The following PTPRZ1 variants were observed in gnomAD, a reference collection of about 807,000 sequenced individuals.
PTPRZ1 encodes the protein protein tyrosine phosphatase receptor type Z1.
Under a neutral mutation model 214.1 loss-of-function variants are expected in PTPRZ1, and 82 were observed. The observed-to-expected ratio is 0.38, with a 90% CI of 0.32 to 0.46. PTPRZ1 has a LOEUF of 0.46. Among genes scored for constraint, PTPRZ1 ranks in the 20% least tolerant of loss-of-function variants. The probability of loss-of-function intolerance (pLI) is 1.00; values close to 1 mark genes in which losing one functional copy is unlikely to be tolerated. For synonymous variants in PTPRZ1, 945 were observed against 987.9 expected (o/e 0.96, Z 0.81); for missense variants, 2,603 against 2,748.7 (o/e 0.95, Z 1.19).
chr7:121,995,191 A>G (rs558552946), intron 8 of PTPRZ1, among the ~76,000 whole-genome samples: 25 of 152,324 alleles, frequency 1.6e-4, no homozygotes, highest in Non-Finnish European at 2.8e-4. Flanking sequence ...TAGCAGAGAC[A>G]AGTCATTTTG....
At chr7:121,968,620 T>C (rs1244544010) in intron 3 of PTPRZ1, among the ~76,000 whole-genome samples, 1 of 149,528 alleles carries the variant, frequency 6.7e-6, no homozygotes, top group Non-Finnish European at 1.5e-5. Flanking sequence ...TAAGTGTCTT[T>C]TTATTGAGCC....
chr7:121,960,094 A>C (rs1796829319), intron 2 of PTPRZ1, among the ~76,000 whole-genome samples: 1 of 152,234 alleles, frequency 6.6e-6, no homozygotes, highest in East Asian at 1.9e-4. Context: ...GCTGGGGTAC[A>C]GTGGCATGCT....
intron 1 of PTPRZ1, among the ~76,000 whole-genome samples, chr7:121,882,810 T>C (rs1251252763): frequency 6.6e-6 from 1 of 152,196 alleles, no homozygotes; most frequent in African/African-American, 2.4e-5. Context: ...GATATAATAA[T>C]ATCATCCTCT....
chr7:122,050,806 C>A (rs535494940), intron 23 of PTPRZ1, among the ~76,000 whole-genome samples: 36 of 152,082 alleles, frequency 2.4e-4, no homozygotes, highest in Admixed American at 2.2e-3. Flanking sequence ...AAATCAAAAC[C>A]ATGATATACT....
intron 2 of PTPRZ1, among the ~76,000 whole-genome samples, chr7:121,953,162 G>A (rs1796609265): frequency 1.3e-5 from 2 of 152,112 alleles, no homozygotes; most frequent in Admixed American, 1.3e-4. Flanking sequence ...TATCACTTAA[G>A]CACTTTTTTA....
chr7:122,045,216 C>A (rs907419857), intron 23 of PTPRZ1, among the ~76,000 whole-genome samples: 1 of 152,118 alleles, frequency 6.6e-6, no homozygotes, highest in African/African-American at 2.4e-5. Context: ...CGTAGCTTTC[C>A]ACAGGAATGG....
rs749990320 is a variant in PTPRZ1, at chr7:122,011,226, C to A, written c.2180C>A (p.Ala727Asp). The A allele has an allele frequency of 6.8e-6, 11 of 1,613,904 alleles. No individual in the cohort carries two copies. The highest frequency in any genetic ancestry group is 8.5e-7 in the Non-Finnish European group (1 of 1,179,956). The change falls in exon 12 of 30, where the codon GCT becomes GAT. Residue 727 changes from alanine to aspartate, a missense_variant. Ala to Asp is a moderately radical substitution (Grantham distance 126). Around this residue, in one of 6 missense-constraint regions of PTPRZ1, gnomAD observed 1,913 missense variants for 1,914.3 expected, o/e 1.00. Coordinates refer to ENST00000393386, the MANE Select transcript of PTPRZ1 (RefSeq NM_002851.3). ...AYFPTEVTPH[A>D]FTPSSRQQDL... is the part of the protein sequence containing the mutation. Reference sequence around the variant, plus strand: ...TTCCCAACTGAGGTAACACCTCATGCTTTTACCCCATCCTCCAGACAACAG... The same window carrying A: ...TTCCCAACTGAGGTAACACCTCATGATTTTACCCCATCCTCCAGACAACAG...
intron 12 of PTPRZ1, among the ~76,000 whole-genome samples, chr7:122,014,419 T>TTTA (rs554374106): frequency 6.6e-6 from 1 of 152,050 alleles, no homozygotes; most frequent in South Asian, 2.1e-4. Context: ...GGGAGCTTTA[T>TTTA]TTATTATTAT....
At chr7:122,024,913 G>A (rs940421) in intron 13 of PTPRZ1, among the ~76,000 whole-genome samples, 94,398 of 151,968 alleles carry the variant, frequency 0.62, 31,330 homozygotes, top group African/African-American at 0.87. Flanking sequence ...CCACCCATTC[G>A]TCCATCCTTC....
intron 8 of PTPRZ1, among the ~76,000 whole-genome samples, chr7:121,994,153 G>A (rs367897707): frequency 2.6e-5 from 4 of 152,166 alleles, no homozygotes; most frequent in East Asian, 1.9e-4. Flanking sequence ...CTACTAAGGC[G>A]AGACAAACAT....
chr7:122,009,208 C>T (rs913917969), intron 11 of PTPRZ1, among the ~76,000 whole-genome samples: 2 of 152,088 alleles, frequency 1.3e-5, no homozygotes, highest in South Asian at 2.1e-4. Flanking sequence ...ATGAGGCAGC[C>T]ATTAAGCTTG....
At chr7:121,978,448 C>A (rs1288406796) in intron 6 of PTPRZ1, among the ~76,000 whole-genome samples, 1 of 152,078 alleles carries the variant, frequency 6.6e-6, no homozygotes, top group African/African-American at 2.4e-5. Context: ...TAGTGGAAAG[C>A]AAAGGGTAAG....
At chr7:121,919,282 A>T (rs1396494206) in intron 1 of PTPRZ1, among the ~76,000 whole-genome samples, 1 of 152,110 alleles carries the variant, frequency 6.6e-6, no homozygotes, top group African/African-American at 2.4e-5. Flanking sequence ...CTTTGACACC[A>T]GTAAAGTCTC....
In PTPRZ1 at chr7:122,013,344, G is replaced by A. The variant is rs1147504; in HGVS notation, c.4298G>A (p.Gly1433Asp). The A allele has an allele frequency of 0.55, 880,954 of 1,613,314 alleles. 246,152 individuals are homozygous for A. Among genetic ancestry groups the A allele is most frequent in the African/African-American group, 0.88 (66,112 of 74,936 alleles). Residue 1433 changes from glycine to aspartate, a missense_variant, in exon 12 of 30, where the codon GGT (glycine) becomes GAT (aspartate). Around this residue, in one of 6 missense-constraint regions of PTPRZ1, gnomAD observed 1,913 missense variants for 1,914.3 expected, o/e 1.00. Transcript: ENST00000393386. ...DDGDDDDDDR[G>D]SDGLSIHKCM... ...GGTGATGATGATGATGATGACAGAG[G>A]TAGTGATGGCTTATCCATTCATAAG...
At chr7:121,967,404 A>G (rs1797077639) in intron 2 of PTPRZ1, among the ~76,000 whole-genome samples, 1 of 152,196 alleles carries the variant, frequency 6.6e-6, no homozygotes, top group African/African-American at 2.4e-5. Context: ...TTTCAATGAC[A>G]GAGGGTGACA....
At chr7:122,040,580 G>A (rs563299874) in intron 20 of PTPRZ1, among the ~76,000 whole-genome samples, 65 of 152,154 alleles carry the variant, frequency 4.3e-4, no homozygotes, top group Non-Finnish European at 6.8e-4. Flanking sequence ...AACATTTTGT[G>A]TGATTAGTGT....
At chr7:122,028,773 C>T in intron 14 of PTPRZ1, 130 bp downstream of exon 14, 1 of 641,768 alleles carries the variant, frequency 1.6e-6, no homozygotes, top group Non-Finnish European at 2.7e-6. Context: ...TTGTGTTGCC[C>T]CAAATATTTA....
At chr7:121,982,706 A>G (rs1335469312) in intron 6 of PTPRZ1, among the ~76,000 whole-genome samples, 1 of 152,014 alleles carries the variant, frequency 6.6e-6, no homozygotes, top group East Asian at 1.9e-4. Flanking sequence ...TGATTTTTGT[A>G]TATTGATCTA....
Position 121,997,486 on chromosome 7 carries a change from A to G in PTPRZ1, c.1114-394A>G, listed in dbSNP as rs191218380. Among the ~76,000 whole-genome samples, 23 of 152,258 alleles carry G rather than the reference A, an allele frequency of 1.5e-4. No homozygotes were observed. In the East Asian group the frequency reaches 4.4e-3, roughly 29 times the overall value. ...GATAATTCTATTACTGTTCTTGCAT[A>G]TATATTGTCAAGAAAAAGAGATAAC... On this transcript the variant is annotated intron_variant, in intron 9 of 29. Coordinates refer to ENST00000393386, the MANE Select transcript of PTPRZ1 (RefSeq NM_002851.3).
Sources: gnomAD v4.1 joint callset for allele counts (sites outside exome capture counted in the v4.1 genomes callset) on GRCh38, gnomAD v4.1.1 for gene constraint, gnomAD v4.1.1 regional missense constraint, MANE v1.5 for transcripts, NCBI Gene and HGNC (gene_info 2026-07-23, HGNC 2026-07-21) for gene names.